Variants in PPP1R9A observed in about 807,000 individuals in gnomAD.
PPP1R9A encodes the protein protein phosphatase 1 regulatory subunit 9A.
PPP1R9A carries 59 observed loss-of-function variants against 141.9 expected under a neutral mutation model. The observed-to-expected ratio is 0.42, with a 90% CI of 0.34 to 0.52. The LOEUF is 0.52. Ranked by LOEUF, PPP1R9A falls within the 20% of genes least tolerant of loss-of-function variation. The pLI is 0.10. For synonymous variants in PPP1R9A, 500 were observed against 569.7 expected (o/e 0.88, Z 1.74); for missense variants, 1,444 against 1,611.9 (o/e 0.90, Z 1.78).
intron 2 of PPP1R9A, among the ~76,000 whole-genome samples, chr7:95,077,603 A>T (rs1318088303): frequency 6.6e-6 from 1 of 152,194 alleles, no homozygotes; most frequent in Non-Finnish European, 1.5e-5. Context: ...TGCCCCCCCA[A>T]TAACAAAGAC....
At chr7:95,043,692 ATC>A (rs975832290) in intron 2 of PPP1R9A, among the ~76,000 whole-genome samples, 2 of 152,120 alleles carry the variant, frequency 1.3e-5, no homozygotes, top group Non-Finnish European at 2.9e-5. Flanking sequence ...TCTCTAATAA[ATC>A]TGCTTTTCTT....
intron 4 of PPP1R9A, among the ~76,000 whole-genome samples, chr7:95,149,744 T>C (rs1828302290): frequency 6.7e-6 from 1 of 150,250 alleles, no homozygotes; most frequent in South Asian, 2.1e-4. Flanking sequence ...TGGTAAGATA[T>C]TCTACATTCA....
At chr7:95,083,663 C>G (rs2152300286) in intron 2 of PPP1R9A, among the ~76,000 whole-genome samples, 1 of 152,026 alleles carries the variant, frequency 6.6e-6, no homozygotes, top group Non-Finnish European at 1.5e-5. Context: ...TTCGGAGGCT[C>G]CGTACCACAG....
chr7:95,279,189 C>G (rs762571265), intron 16 of PPP1R9A, among the ~76,000 whole-genome samples: 9 of 152,162 alleles, frequency 5.9e-5, no homozygotes, highest in Non-Finnish European at 1.2e-4. Context: ...TAGGCTATTT[C>G]TCTCAAAGAG....
chr7:94,942,087 AAAAAG>A (rs1246038470), intron 2 of PPP1R9A, among the ~76,000 whole-genome samples: 3 of 152,276 alleles, frequency 2.0e-5, no homozygotes, highest in Admixed American at 6.5e-5. Context: ...GGTTAGGAAA[AAAAAG>A]AAAAGAAATT....
chr7:95,249,891 C>A, intron 9 of PPP1R9A, 135 bp from the exon 10 acceptor site: 2 of 1,226,344 alleles, frequency 1.6e-6, no homozygotes, highest in Non-Finnish European at 1.1e-6. Flanking sequence ...AAAATAATAC[C>A]TGCTTTTCTC....
At chr7:94,915,351 A>G (rs11976383) in intron 2 of PPP1R9A, among the ~76,000 whole-genome samples, 3,881 of 152,244 alleles carry the variant, frequency 0.025, 162 homozygotes, top group African/African-American at 0.089. Flanking sequence ...TTGAGATCCA[A>G]CTTTTTGTCT....
intron 5 of PPP1R9A, among the ~76,000 whole-genome samples, chr7:95,196,840 G>A (rs6951700): frequency 0.59 from 89,569 of 151,922 alleles, 26,598 homozygotes; most frequent in South Asian, 0.65. Flanking sequence ...TGGTAATTAC[G>A]CGTTTACATA....
intron 3 of PPP1R9A, among the ~76,000 whole-genome samples, chr7:95,114,810 A>G (rs1179334447): frequency 1.3e-5 from 2 of 151,520 alleles, no homozygotes; most frequent in African/African-American, 2.4e-5. Flanking sequence ...ATACATTCCT[A>G]GGTAGATGTT....
chr7:95,150,154 CAA>C lies in PPP1R9A; in HGVS notation c.1650-11697_1650-11696del, dbSNP rs36047908. Reference sequence around the variant, plus strand: ...CTGGAATAACTGGACATCCCCCTGCCAAAAAAAAAAAAAAAAATCTGAAGAAG... The same window carrying C: ...CTGGAATAACTGGACATCCCCCTGCCAAAAAAAAAAAAAAATCTGAAGAAG... On this transcript the variant is annotated intron_variant, in intron 4 of 19. Transcript: ENST00000433360. Among the ~76,000 whole-genome samples the C allele has an allele frequency of 3.9e-3, 363 of 92,380 alleles. 1 individual carries two copies. Among genetic ancestry groups the C allele is most frequent in the East Asian group, 0.018 (64 of 3,504 alleles). The allele number at this position is 92,380 out of a possible 152,430, so 60.6% of individuals were successfully genotyped here.
chr7:94,948,597 G>T (rs1796131436), intron 2 of PPP1R9A, among the ~76,000 whole-genome samples: 1 of 152,092 alleles, frequency 6.6e-6, no homozygotes, highest in African/African-American at 2.4e-5. Flanking sequence ...ATGTCTCTGA[G>T]ATATACTAAG....
At chr7:94,946,505 T>C (rs1390787725) in intron 2 of PPP1R9A, among the ~76,000 whole-genome samples, 1 of 152,086 alleles carries the variant, frequency 6.6e-6, no homozygotes, top group African/African-American at 2.4e-5. Context: ...TTTTTTCAGG[T>C]CATGTGTCTA....
chr7:95,120,385 G>A (rs922926745), intron 3 of PPP1R9A, among the ~76,000 whole-genome samples: 6 of 152,136 alleles, frequency 3.9e-5, no homozygotes, highest in African/African-American at 1.2e-4. Flanking sequence ...GTACTCTTAC[G>A]CCTAAAATAA....
chr7:95,056,589 C>T (rs1323076776), intron 2 of PPP1R9A, among the ~76,000 whole-genome samples: 2 of 152,060 alleles, frequency 1.3e-5, no homozygotes, highest in Non-Finnish European at 2.9e-5. Flanking sequence ...TTTCCCCTGC[C>T]ATATGATTTT....
chr7:95,283,699 A>T (rs1056989173), intron 16 of PPP1R9A, among the ~76,000 whole-genome samples: 12 of 152,204 alleles, frequency 7.9e-5, no homozygotes, highest in Non-Finnish European at 1.6e-4. Context: ...TGCAGTGATG[A>T]TTAACCTAAT....
chr7:95,111,358 A>T lies in PPP1R9A; in HGVS notation c.1495A>T (p.Lys499Ter). The part of the protein sequence containing the change: ...AEYELEKRVE[K>*]LELFPVELEK... ...GTATGAACTTGAAAAACGTGTAGAA[A>T]AGCTGGAACTTTTCCCAGTGGAGCT... The change falls in exon 3 of 20, where the codon AAG (lysine) becomes TAG (stop). Residue 499 changes from lysine to a stop codon, truncating the protein, a stop_gained. Transcript: ENST00000433360. LOFTEE classifies it high-confidence loss of function. 1 of 1,613,886 alleles carries T rather than the reference A, an allele frequency of 6.2e-7. No homozygotes were observed. Among genetic ancestry groups the T allele is most frequent in the Non-Finnish European group, 8.5e-7 (1 of 1,179,816 alleles).
intron 8 of PPP1R9A, among the ~76,000 whole-genome samples, chr7:95,231,329 C>A (rs1396778015): frequency 6.6e-6 from 1 of 152,090 alleles, no homozygotes. Context: ...CAGCACTAGA[C>A]AGGTGGGTCA....
At chr7:95,092,592 T>G (rs1584645504) in intron 2 of PPP1R9A, among the ~76,000 whole-genome samples, 1 of 152,308 alleles carries the variant, frequency 6.6e-6, no homozygotes, top group East Asian at 1.9e-4. Flanking sequence ...AGAACTGCTT[T>G]TATCAGGCAG....
chr7:95,122,346 C>T (rs1822789559), intron 4 of PPP1R9A, among the ~76,000 whole-genome samples: 1 of 152,046 alleles, frequency 6.6e-6, no homozygotes, highest in South Asian at 2.1e-4. Context: ...GGGGTTTCAC[C>T]ATGTTGGTCA....
Sources: gnomAD v4.1 joint callset for allele counts (sites outside exome capture counted in the v4.1 genomes callset) on GRCh38, gnomAD v4.1.1 for gene constraint, MANE v1.5 for transcripts, NCBI Gene and HGNC (gene_info 2026-07-23, HGNC 2026-07-21) for gene names.